The following SIPA1L3 variants were observed in gnomAD, a reference collection of about 807,000 sequenced individuals.
SIPA1L3 encodes signal induced proliferation associated 1 like 3, also known as signal-induced proliferation-associated 1-like protein 3.
A neutral mutation model predicts 150.1 loss-of-function variants in SIPA1L3; 59 were observed. That is an observed-to-expected ratio of 0.39 (90% CI 0.32 to 0.49). The LOEUF (loss-of-function observed/expected upper bound fraction) is 0.49, where lower values mean the gene tolerates loss of function less well. Ranked by LOEUF, SIPA1L3 falls within the 20% of genes least tolerant of loss-of-function variation. SIPA1L3 has a pLI of 0.86. For synonymous variants in SIPA1L3, 1,070 were observed against 1,077.6 expected (o/e 0.99, Z 0.14); for missense variants, 2,211 against 2,489.5 (o/e 0.89, Z 2.38).
chr19:38,072,775 G>A (rs1274217464), intron 2 of SIPA1L3, among the ~76,000 whole-genome samples: 2 of 152,250 alleles, frequency 1.3e-5, no homozygotes, highest in Non-Finnish European at 1.5e-5. Flanking sequence ...TGGCGACAGG[G>A]AAAGTAAACC....
intron 7 of SIPA1L3, chr19:38,109,293 G>A (rs2145874452): frequency 6.6e-6 from 1 of 152,318 alleles, no homozygotes; most frequent in East Asian, 1.9e-4. Context: ...AGCTTGTGCA[G>A]GGGAACCACA....
intron 4 of SIPA1L3, among the ~76,000 whole-genome samples, chr19:38,093,395 C>T (rs1417283563): frequency 6.6e-6 from 1 of 152,142 alleles, no homozygotes; most frequent in Non-Finnish European, 1.5e-5. Context: ...CACATGGCTC[C>T]TTTCCTCTCA....
At chr19:38,030,773 G>A (rs577269354) in intron 2 of SIPA1L3, among the ~76,000 whole-genome samples, 4 of 152,020 alleles carry the variant, frequency 2.6e-5, no homozygotes, top group South Asian at 4.2e-4. Flanking sequence ...TCTAAGCAGT[G>A]GCATGGGCCC....
intron 2 of SIPA1L3, among the ~76,000 whole-genome samples, chr19:38,039,177 C>G (rs1236192262): frequency 6.6e-6 from 1 of 152,104 alleles, no homozygotes. Context: ...GCCACCTTGC[C>G]TAGCCTGCAT....
At chr19:38,106,018 C>T (rs373344854) in intron 6 of SIPA1L3, among the ~76,000 whole-genome samples, 1 of 152,208 alleles carries the variant, frequency 6.6e-6, no homozygotes, top group Non-Finnish European at 1.5e-5. Context: ...TCCACATCCT[C>T]GCCAACCATT....
Position 38,198,467 on chromosome 19 carries a change from C to T in SIPA1L3, c.4919C>T (p.Pro1640Leu), listed in dbSNP as rs1325876288. 1.2e-6 allele frequency: 2 copies of T among 1,605,318 alleles called. No homozygotes were observed. Among genetic ancestry groups the T allele is most frequent in the African/African-American group, 2.7e-5 (2 of 74,336 alleles). ...CGGCGCCTGGACCCTGGGCTGATGC[C>T]CCTGCCTGACACAGCTGCTGGCCTC... ...PLRRLDPGLM[P>L]LPDTAAGLEW... Residue 1640 changes from proline to leucine, a missense_variant, in exon 19 of 22, where the codon CCC (proline) becomes CTC (leucine). This residue lies in a region of SIPA1L3 where 806 missense variants were observed against 870.1 expected (regional missense o/e 0.93). Coordinates refer to ENST00000222345, the MANE Select transcript of SIPA1L3 (RefSeq NM_015073.3).
intron 15 of SIPA1L3, among the ~76,000 whole-genome samples, chr19:38,175,943 C>G (rs1453658583): frequency 1.3e-5 from 2 of 152,146 alleles, no homozygotes; most frequent in Non-Finnish European, 2.9e-5. Flanking sequence ...CGCTGTGGCT[C>G]ACGCCTGTAA....
chr19:38,198,507 G>A lies in SIPA1L3; in HGVS notation c.4959G>A (p.Leu1653=). ...DTAAGLEWSS[L]VNAAKAYEVQ... is the part of the protein sequence containing the mutation. ...CTGCTGGCCTCGAGTGGTCCAGCCT[G>A]GTGAACGCAGCCAAGGCATACGAAG... is the stretch of plus-strand genomic sequence containing the variant. The change falls in exon 19 of 22, where the codon CTG becomes CTA. Residue 1653 remains leucine, a synonymous_variant. Transcript: ENST00000222345. The A allele has an allele frequency of 1.3e-6, 2 of 1,586,542 alleles. No homozygotes were observed. Among genetic ancestry groups the A allele is most frequent in the Non-Finnish European group, 1.7e-6 (2 of 1,167,634 alleles).
chr19:37,914,024 CAAAAAAA>C (rs58768492), intron 1 of SIPA1L3, among the ~76,000 whole-genome samples: 1 of 110,810 alleles, frequency 9.0e-6, no homozygotes, highest in African/African-American at 3.9e-5. Flanking sequence ...GAGGCCGTCT[CAAAAAAA>C]AAAAAAAAAA....
intron 8 of SIPA1L3, among the ~76,000 whole-genome samples, chr19:38,112,014 T>G (rs1487833104): frequency 3.8e-5 from 5 of 131,144 alleles, no homozygotes; most frequent in Admixed American, 1.6e-4. Flanking sequence ...GGCACACACA[T>G]GCACACACAC....
intron 10 of SIPA1L3, among the ~76,000 whole-genome samples, chr19:38,135,647 C>A (rs1461632284): frequency 1.3e-5 from 2 of 152,192 alleles, no homozygotes; most frequent in East Asian, 3.9e-4. Flanking sequence ...TGCAACCAGA[C>A]AGAGGAGTTC....
chr19:38,204,074 C>G lies in SIPA1L3; in HGVS notation c.5121-53C>G. ...AGGCTCCTCAGATGTGGGCCAGAAG[C>G]CTTCCCCAGGGGCTTTAGGGCCTCA... On this transcript the variant is annotated intron_variant, in intron 20 of 21. Transcript: ENST00000222345. 2.8e-6 allele frequency: 4 copies of G among 1,452,398 alleles called. 1 individual carries two copies. The South Asian group carries it at 3.7e-5, about 13-fold the overall frequency. 90.0% of individuals were successfully genotyped at this position (1,452,398 alleles called of 1,614,324 possible). A position where few individuals can be genotyped will look rare whatever the true frequency, so the allele number is the denominator to read the frequency against.
rs147213940 is a variant in SIPA1L3, at chr19:37,926,513, T to A, written c.-379+19155T>A. Among the ~76,000 whole-genome samples, 102 of 152,214 alleles carry A rather than the reference T, an allele frequency of 6.7e-4. No homozygotes were observed. In the East Asian group the frequency reaches 0.015, roughly 22 times the overall value. On this transcript the variant is annotated intron_variant, in intron 1 of 21. Coordinates refer to ENST00000222345, the MANE Select transcript of SIPA1L3 (RefSeq NM_015073.3). ...GGTGCTCTCTGGAACCCGTGGGCAT[T>A]CTGCATCAGTCACCCATCAGAGTAG...
At chr19:38,029,334 G>C (rs1294276815) in intron 2 of SIPA1L3, among the ~76,000 whole-genome samples, 178 bp downstream of exon 2, 1 of 152,098 alleles carries the variant, frequency 6.6e-6, no homozygotes, top group African/African-American at 2.4e-5. Flanking sequence ...CACTGGCTGG[G>C]TGCCCTGCCA....
chr19:38,116,030 G>A (rs1431088863), intron 8 of SIPA1L3, among the ~76,000 whole-genome samples: 2 of 152,168 alleles, frequency 1.3e-5, no homozygotes, highest in African/African-American at 4.8e-5. Context: ...ATGACTTTGG[G>A]TTGGAGTTTC....
chr19:38,196,611 G>A (rs1232573561), intron 18 of SIPA1L3, among the ~76,000 whole-genome samples: 2 of 151,188 alleles, frequency 1.3e-5, no homozygotes, highest in African/African-American at 4.9e-5. Context: ...TGGAGGTCAA[G>A]GGCAGAGCAT....
intron 15 of SIPA1L3, among the ~76,000 whole-genome samples, chr19:38,174,320 G>T (rs908683587): frequency 7.2e-5 from 11 of 152,186 alleles, no homozygotes; most frequent in Admixed American, 1.3e-4. Context: ...CGCATGCAGG[G>T]ATGAATTGGT....
At chr19:38,049,833 T>G (rs545375102) in intron 2 of SIPA1L3, among the ~76,000 whole-genome samples, 1 of 152,138 alleles carries the variant, frequency 6.6e-6, no homozygotes, top group South Asian at 2.1e-4. Flanking sequence ...GCTGTTGTCC[T>G]GCTTCCCAGT....
At position 38,142,716 on chromosome 19, in the gene SIPA1L3, C is replaced by G. The variant is rs754605809; in HGVS notation, c.3533+6C>G. The G allele has an allele frequency of 6.2e-7, 1 of 1,611,258 alleles. No homozygotes were observed. Among genetic ancestry groups the G allele is most frequent in the Non-Finnish European group, 8.5e-7 (1 of 1,178,194 alleles). On this transcript the variant is annotated splice_donor_region_variant and intron_variant, in intron 12 of 21. Transcript: ENST00000222345. ...TACAAGCCATCCCCAGAAAGGTCAGCCTCCCTCAATTCTTTTCATGTTAAG... is the reference window on the plus strand; with the variant it reads ...TACAAGCCATCCCCAGAAAGGTCAGGCTCCCTCAATTCTTTTCATGTTAAG...
Sources: gnomAD v4.1 joint callset for allele counts (sites outside exome capture counted in the v4.1 genomes callset) on GRCh38, gnomAD v4.1.1 for gene constraint, gnomAD v4.1.1 regional missense constraint, MANE v1.5 for transcripts, NCBI Gene and HGNC (gene_info 2026-07-23, HGNC 2026-07-21) for gene names.